GAPVD1: variants seen among roughly 807,000 people sequenced by gnomAD.
GAPVD1 encodes GTPase activating protein and VPS9 domains 1, also known as GTPase-activating protein and VPS9 domain-containing protein 1.
GAPVD1 carries 35 observed loss-of-function variants against 155.5 expected under a neutral mutation model. The ratio of observed to expected loss-of-function variants is 0.23; its 90% CI spans 0.17 to 0.30. The LOEUF (loss-of-function observed/expected upper bound fraction) is 0.30. GAPVD1 is among the 10% of genes least tolerant of loss of function. The pLI, the probability that GAPVD1 is intolerant of heterozygous loss-of-function variation, is 1.00. For missense variants in GAPVD1, 1,429 were observed against 1,775.7 expected (o/e 0.80, Z 3.51); for synonymous variants, 636 against 619.7 (o/e 1.03, Z -0.39).
At chr9:125,310,036 C>T in intron 8 of GAPVD1, 1 of 370,864 alleles carries the variant, frequency 2.7e-6, no homozygotes, top group Non-Finnish European at 5.7e-6. Context: ...TCTTCCTCTT[C>T]TTTTATAATT....
chr9:125,302,792 C>T lies in GAPVD1; in HGVS notation c.995C>T (p.Pro332Leu). The change falls in exon 5 of 28, where the codon CCT becomes CTT. Residue 332 changes from proline to leucine, a missense_variant. Transcript: ENST00000297933. The stretch of plus-strand genomic sequence containing the variant: ...CAATATGGAATAATTTCCGATGCTC[C>T]TATTAATGAAGTAGCACGATTTAAT... ...PEQYGIISDA[P>L]INEVARFNLM... The T allele has an allele frequency of 6.2e-7, 1 of 1,609,522 alleles. No homozygotes were observed. The highest frequency in any genetic ancestry group is 8.5e-7 in the Non-Finnish European group (1 of 1,177,878).
Position 125,350,884 on chromosome 9 carries a change from C to G in GAPVD1, c.3569+12C>G. ...GCTGAGGACTACAGGTAATATACCC[C>G]ACCTGTTCAGCTTTTAAACCTAGTT... On this transcript the variant is annotated intron_variant, in intron 23 of 27. Coordinates refer to ENST00000297933, the MANE Select transcript of GAPVD1 (RefSeq NM_001282680.3). 6.3e-7 allele frequency: 1 copy of G among 1,588,198 alleles called. No homozygotes were observed. The highest frequency in any genetic ancestry group is 2.2e-5 in the East Asian group (1 of 44,684).
intron 26 of GAPVD1, 29 bp from the exon 27 acceptor site, chr9:125,360,499 A>G (rs529780738): frequency 1.6e-5 from 26 of 1,586,030 alleles, no homozygotes; most frequent in Non-Finnish European, 2.2e-5. Flanking sequence ...TGGATTCAGA[A>G]TCTGTATATT....
At chr9:125,324,273 G>A (rs1844811986) in intron 11 of GAPVD1, among the ~76,000 whole-genome samples, 1 of 152,132 alleles carries the variant, frequency 6.6e-6, no homozygotes. Flanking sequence ...GCAGTTCTGA[G>A]TGAGAGATAC....
intron 6 of GAPVD1, 95 bp from the exon 7 acceptor site, chr9:125,307,318 T>C (rs1842009193): frequency 1.3e-6 from 1 of 798,392 alleles, no homozygotes; most frequent in East Asian, 2.8e-5. Flanking sequence ...ATTTTTAAGA[T>C]GTTTAAATTT....
intron 2 of GAPVD1, among the ~76,000 whole-genome samples, chr9:125,294,744 G>C (rs1450342991): frequency 6.7e-6 from 1 of 148,996 alleles, no homozygotes; most frequent in Admixed American, 6.8e-5. Context: ...TTGATATTCA[G>C]ATGTTTTGCA....
intron 2 of GAPVD1, among the ~76,000 whole-genome samples, chr9:125,282,417 A>T (rs370754056): frequency 6.6e-6 from 1 of 151,046 alleles, no homozygotes; most frequent in Non-Finnish European, 1.5e-5. Context: ...GATTACAAGC[A>T]TGAGCCACCA....
Position 125,355,697 on chromosome 9 carries a change from C to T in GAPVD1, c.3811C>T (p.Leu1271=), listed in dbSNP as rs1849973822. The change falls in exon 25 of 28, where the codon CTG becomes TTG. Residue 1271 remains leucine (L), a synonymous_variant. Coordinates refer to ENST00000297933, the MANE Select transcript of GAPVD1 (RefSeq NM_001282680.3). ...TAAAACTGCTCAGGTAGAAGATTTT[C>T]TGCAGTTTCTTTATGGTGCAATGGC... ...DDKTAQVEDF[L]QFLYGAMAQD... 3.1e-6 allele frequency: 5 copies of T among 1,613,722 alleles called. No homozygotes were observed. Among genetic ancestry groups the T allele is most frequent in the Middle Eastern group, 1.6e-4 (1 of 6,074 alleles).
intron 17 of GAPVD1, 88 bp downstream of exon 17, chr9:125,337,679 G>C: frequency 8.2e-7 from 1 of 1,223,824 alleles, no homozygotes; most frequent in East Asian, 2.3e-5. Flanking sequence ...TATAAATCTA[G>C]GATTACAGAT....
At chr9:125,319,537 T>C (rs1477795044) in intron 9 of GAPVD1, among the ~76,000 whole-genome samples, 1 of 150,292 alleles carries the variant, frequency 6.7e-6, no homozygotes, top group East Asian at 1.9e-4. Context: ...CAGCTGGGAT[T>C]ACAGGTGTGT....
At chr9:125,310,061 G>T in intron 8 of GAPVD1, 1 of 349,454 alleles carries the variant, frequency 2.9e-6, no homozygotes, top group Non-Finnish European at 6.1e-6. Flanking sequence ...TTAAGAAATA[G>T]TTTATAAAAG....
At chr9:125,330,317 CTTTTT>C in intron 13 of GAPVD1, 99 bp downstream of exon 13, 1 of 508,618 alleles carries the variant, frequency 2.0e-6, no homozygotes, top group Non-Finnish European at 3.1e-6. Context: ...GTCAAATACA[CTTTTT>C]TTTTTTTTTT....
chr9:125,356,428 A>C (rs2132564136), intron 25 of GAPVD1, among the ~76,000 whole-genome samples: 1 of 152,284 alleles, frequency 6.6e-6, no homozygotes, highest in South Asian at 2.1e-4. Context: ...AGTTGTGACA[A>C]CCACATGTCT....
intron 9 of GAPVD1, among the ~76,000 whole-genome samples, chr9:125,315,574 G>A (rs948940613): frequency 2.0e-5 from 3 of 152,124 alleles, no homozygotes; most frequent in South Asian, 2.1e-4. Flanking sequence ...TCAAAGGCTT[G>A]GCTTTGTTTT....
rs772405111 is a variant in GAPVD1, at chr9:125,350,753, A to C, written c.3450A>C (p.Glu1150Asp). The C allele has an allele frequency of 1.3e-6, 2 of 1,571,676 alleles. No individual in the cohort carries two copies. Among genetic ancestry groups the C allele is most frequent in the Admixed American group, 1.7e-5 (1 of 59,890 alleles). ...IVCFLKVQIA[E>D]AINLQDKNLM... Reference sequence around the variant, plus strand: ...GCTTCTTAAAAGTTCAAATAGCTGAAGCAATTAATTTACAAGATAAGAATC... The same window carrying C: ...GCTTCTTAAAAGTTCAAATAGCTGACGCAATTAATTTACAAGATAAGAATC... The change falls in exon 23 of 28, where the codon GAA becomes GAC. Residue 1150 changes from glutamate (E) to aspartate (D), a missense_variant. Physicochemically the swap from Glu to Asp is conservative, Grantham distance 45 (BLOSUM62 2). Transcript: ENST00000297933.
chr9:125,350,001 T>C (rs534335338), intron 21 of GAPVD1, among the ~76,000 whole-genome samples: 3 of 152,306 alleles, frequency 2.0e-5, no homozygotes, highest in Non-Finnish European at 4.4e-5. Flanking sequence ...TGCCATAATA[T>C]GCTTTTCCGA....
At chr9:125,340,939 G>T (rs900127591) in intron 17 of GAPVD1, among the ~76,000 whole-genome samples, 2 of 152,134 alleles carry the variant, frequency 1.3e-5, no homozygotes, top group African/African-American at 2.4e-5. Context: ...AAAATTAGCT[G>T]GGCATGGTGG....
intron 2 of GAPVD1, among the ~76,000 whole-genome samples, chr9:125,275,742 C>A (rs896456931): frequency 6.6e-6 from 1 of 151,828 alleles, no homozygotes; most frequent in Admixed American, 6.6e-5. Context: ...GGGGACAGAG[C>A]GAGACTCTTT....
At chr9:125,324,594 AAAAG>A (rs1298781186) in intron 11 of GAPVD1, among the ~76,000 whole-genome samples, 1 of 152,198 alleles carries the variant, frequency 6.6e-6, no homozygotes, top group Admixed American at 6.5e-5. Context: ...CGTCTCAAAA[AAAAG>A]AAAGTATAGG....
Sources: allele counts gnomAD v4.1 joint callset (sites outside exome capture counted in the v4.1 genomes callset), GRCh38; gene constraint gnomAD v4.1.1; transcripts MANE v1.5; gene names NCBI Gene and HGNC (gene_info 2026-07-23, HGNC 2026-07-21).